GCSAML: variants seen among roughly 807,000 people sequenced by gnomAD.
GCSAML encodes the protein germinal center-associated signaling and motility-like protein.
A neutral mutation model predicts 13.0 loss-of-function variants in GCSAML; 9 were observed. That is an observed-to-expected ratio of 0.69 (90% confidence interval 0.42 to 1.21). The LOEUF (loss-of-function observed/expected upper bound fraction) is 1.21. GCSAML is among the 50% of genes most tolerant of loss of function. The pLI is 0.00. For missense variants in GCSAML, 143 were observed against 153.4 expected, an observed-to-expected ratio of 0.93 and a Z score of 0.36; for synonymous variants, 37 against 52.9, an observed-to-expected ratio of 0.70 and a Z score of 1.31.
chr1:247,548,792 A>G (rs1162401612), upstream of GCSAML, among the ~76,000 whole-genome samples: 1 of 152,178 alleles, frequency 6.6e-6, no homozygotes, highest in Admixed American at 6.5e-5. The surrounding 1 kb of genome is among the most constrained non-coding windows in gnomAD (Gnocchi z 5.3). Flanking sequence ...GTGTAATCTT[A>G]TTATTATGCT....
chr1:247,565,831 C>T (rs1668328716), intron 3 of GCSAML, 100 bp from the exon 4 acceptor site: 7 of 925,740 alleles, frequency 7.6e-6, no homozygotes, highest in Non-Finnish European at 1.1e-5. Context: ...TTTATGACTT[C>T]TACATTCTGT....
intron 1 of GCSAML, among the ~76,000 whole-genome samples, chr1:247,511,949 C>A (rs1388304447): frequency 6.6e-6 from 1 of 152,158 alleles, no homozygotes; most frequent in African/African-American, 2.4e-5. Flanking sequence ...ATTTTTTCCT[C>A]ATTTCAACCT....
intron 2 of GCSAML, among the ~76,000 whole-genome samples, chr1:247,543,066 G>C (rs923934686): frequency 3.9e-5 from 6 of 152,210 alleles, no homozygotes; most frequent in African/African-American, 1.4e-4. Context: ...TCAGCAGGGA[G>C]CACCAAGCTG....
At chr1:247,565,097 T>C (rs1176065) in intron 3 of GCSAML, among the ~76,000 whole-genome samples, 11 of 152,176 alleles carry the variant, frequency 7.2e-5, no homozygotes, top group Admixed American at 3.3e-4. Context: ...CAGTGGCTCA[T>C]GCCTGTAATC....
chr1:247,556,606 G>A (rs1215838055), intron 2 of GCSAML, 140 bp downstream of exon 2: 1 of 589,554 alleles, frequency 1.7e-6, no homozygotes, highest in Non-Finnish European at 3.0e-6. Context: ...TTACCTGCAT[G>A]ACTTGGCAGC....
chr1:247,512,892 C>T (rs115017886), intron 1 of GCSAML, among the ~76,000 whole-genome samples: 178 of 152,256 alleles, frequency 1.2e-3, no homozygotes, highest in African/African-American at 3.9e-3. Context: ...AAGCGTCGTC[C>T]CAGAGAAGCA....
intron 2 of GCSAML, among the ~76,000 whole-genome samples, chr1:247,542,200 C>T (rs1379198218): frequency 6.6e-6 from 1 of 152,086 alleles, no homozygotes; most frequent in Non-Finnish European, 1.5e-5. Flanking sequence ...CATTTGAGCC[C>T]AGGAGTTCTA....
At chr1:247,513,907 G>T (rs779543649) in intron 1 of GCSAML, among the ~76,000 whole-genome samples, 8 of 152,106 alleles carry the variant, frequency 5.3e-5, no homozygotes, top group Non-Finnish European at 8.8e-5. Flanking sequence ...AAATCACCAG[G>T]CTTCTGCATT....
chr1:247,546,306 G>A (rs2103029083), upstream of GCSAML, among the ~76,000 whole-genome samples: 1 of 152,220 alleles, frequency 6.6e-6, no homozygotes, highest in Admixed American at 6.5e-5. Context: ...CCAAGTGGAT[G>A]GGACTACAGG....
chr1:247,559,142 T>C (rs1409886603), intron 2 of GCSAML, among the ~76,000 whole-genome samples: 2 of 152,246 alleles, frequency 1.3e-5, no homozygotes, highest in East Asian at 3.8e-4. Context: ...AGCTGGTATC[T>C]GTGCACATCA....
intron 1 of GCSAML, among the ~76,000 whole-genome samples, chr1:247,551,600 G>T (rs542957042): frequency 6.6e-6 from 1 of 152,012 alleles, no homozygotes; most frequent in Non-Finnish European, 1.5e-5. Context: ...AAGATGCAGG[G>T]GCAAAAGGAA....
chr1:247,523,135 ACCT>A (rs1485096217), intron 1 of GCSAML, among the ~76,000 whole-genome samples: 1 of 152,118 alleles, frequency 6.6e-6, no homozygotes, highest in Non-Finnish European at 1.5e-5. Context: ...GGGGTTGGCA[ACCT>A]CCTACAGAAC....
intron 1 of GCSAML, among the ~76,000 whole-genome samples, chr1:247,522,296 T>G (rs1666475218): frequency 1.9e-5 from 2 of 106,390 alleles, no homozygotes; most frequent in Non-Finnish European, 2.1e-5. Context: ...GGGAGGGAGG[T>G]GGGGGGCGCC....
upstream of GCSAML, among the ~76,000 whole-genome samples, chr1:247,546,989 G>C (rs970246985): frequency 6.6e-6 from 1 of 150,910 alleles, no homozygotes; most frequent in Non-Finnish European, 1.5e-5. Flanking sequence ...TGTGTTCCCA[G>C]CTACTTGGGG....
intron 2 of GCSAML, chr1:247,531,698 C>T (rs1666968314): frequency 4.3e-6 from 7 of 1,614,148 alleles, no homozygotes; most frequent in African/African-American, 1.3e-5. Context: ...ATGAACTTGC[C>T]CTGCTCATGG....
intron 1 of GCSAML, among the ~76,000 whole-genome samples, chr1:247,510,687 C>T (rs936279255): frequency 6.6e-6 from 1 of 152,026 alleles, no homozygotes; most frequent in East Asian, 1.9e-4. Context: ...CCCAGAGATT[C>T]TGGTACGTTG....
rs1362602076 is a variant in GCSAML at position 247,554,565 on chromosome 1, A to G, written c.30-1842A>G. On this transcript the variant is annotated intron_variant, in intron 1 of 4. Transcript: ENST00000366488. ...TCTTATGAATGTATTTTAGCAAGCT[A>G]TTTTCTTCACACTTCACTTTATCCT... Among the ~76,000 whole-genome samples the G allele has an allele frequency of 2.6e-5, 4 of 152,182 alleles. No homozygotes were observed. The South Asian group carries it at 6.2e-4, about 24-fold the overall frequency.
intron 1 of GCSAML, among the ~76,000 whole-genome samples, chr1:247,507,798 T>C (rs1665881815): frequency 2.0e-5 from 3 of 152,146 alleles, no homozygotes; most frequent in Admixed American, 2.0e-4. Flanking sequence ...AGTTTGCTGA[T>C]AATGATGGTT....
intron 1 of GCSAML, 34 bp downstream of exon 1, chr1:247,549,254 G>T: frequency 6.3e-7 from 1 of 1,578,242 alleles, no homozygotes; most frequent in Non-Finnish European, 8.7e-7. Context: ...CCTTTCTTGG[G>T]AGAAAGAGAA....
Sources: allele counts gnomAD v4.1 joint callset (sites outside exome capture counted in the v4.1 genomes callset), GRCh38; gene constraint gnomAD v4.1.1; non-coding constraint Gnocchi (gnomAD v3.1); transcripts MANE v1.5; gene names NCBI Gene and HGNC (gene_info 2026-07-23, HGNC 2026-07-21).